Variants in ZNF395 observed in about 807,000 individuals in gnomAD.
ZNF395 encodes zinc finger protein 395, also known as HD gene regulatory region-binding protein 2.
A neutral mutation model predicts 57.7 loss-of-function variants in ZNF395; 20 were observed. The observed-to-expected ratio is 0.35, with a 90% CI of 0.24 to 0.50. ZNF395 has a LOEUF of 0.50. ZNF395 is among the 20% of genes least tolerant of loss of function. ZNF395 has a pLI of 0.97. For missense variants in ZNF395, 606 were observed against 671.2 expected, an observed-to-expected ratio of 0.90 and a Z score of 1.07; for synonymous variants, 295 against 275.9, an observed-to-expected ratio of 1.07 and a Z score of -0.69.
At position 28,356,180 on chromosome 8, in the gene ZNF395, G is replaced by A. The variant is rs977700035; in HGVS notation, c.583+490C>T. Among the ~76,000 whole-genome samples, 2 of 152,094 alleles carry A rather than the reference G, an allele frequency of 1.3e-5. No individual in the cohort carries two copies. The highest frequency in any genetic ancestry group is 4.8e-5 in the African/African-American group (2 of 41,386). Reference sequence around the variant, plus strand: ...AAGTTGAATCACTGGTTTTTATTAAGCAATTAGATTTACTTTAGAATTTAG... The same window carrying A: ...AAGTTGAATCACTGGTTTTTATTAAACAATTAGATTTACTTTAGAATTTAG... On this transcript the variant is annotated intron_variant, in intron 4 of 9. Transcript: ENST00000344423. This position sits in a 1 kb window ranked among gnomAD's most constrained non-coding sequence, Gnocchi z 4.0.
chr8:28,356,285 A>G lies in ZNF395; in HGVS notation c.583+385T>C, dbSNP rs186899026. On this transcript the variant is annotated intron_variant, in intron 4 of 9. Coordinates refer to ENST00000344423, the MANE Select transcript of ZNF395 (RefSeq NM_018660.3). This position sits in a 1 kb window ranked among gnomAD's most constrained non-coding sequence, Gnocchi z 4.0. Reference sequence around the variant, plus strand: ...TTAGGCACGTGGAATGAGGGCATGAATTTTCTGAGGCCACTAGGAGACCAT... The same window carrying G: ...TTAGGCACGTGGAATGAGGGCATGAGTTTTCTGAGGCCACTAGGAGACCAT... Among the ~76,000 whole-genome samples the G allele has an allele frequency of 2.3e-4, 35 of 152,290 alleles. No homozygotes were observed. Among genetic ancestry groups the G allele is most frequent in the Non-Finnish European group, 4.6e-4 (31 of 68,018 alleles).
rs35382607 is a variant in ZNF395 at position 28,350,085 on chromosome 8, G to C, written c.1305C>G (p.Ser435=). 6.2e-7 allele frequency: 1 copy of C among 1,605,380 alleles called. No individual in the cohort carries two copies. The highest frequency in any genetic ancestry group is 1.7e-5 in the Admixed American group (1 of 58,446). The part of the protein sequence containing the change: ...YTSVSWAAAP[S]AACSLSPVRS... ...TCACCGGAGAGAGAGAGCAGGCGGC[G>C]GAGGGGGCAGCAGCCCAGCTGACAC... Residue 435 remains serine, a synonymous_variant, in exon 8 of 10, where the codon TCC becomes TCG. Transcript: ENST00000344423.
intron 1 of ZNF395, among the ~76,000 whole-genome samples, chr8:28,382,562 G>GT (rs1043234407): frequency 1.3e-5 from 2 of 152,044 alleles, no homozygotes; most frequent in African/African-American, 4.8e-5. Flanking sequence ...GTCCCTAAAC[G>GT]TTTTTCCAAG....
intron 1 of ZNF395, among the ~76,000 whole-genome samples, chr8:28,381,310 G>C (rs1802107290): frequency 6.6e-6 from 1 of 152,030 alleles, no homozygotes; most frequent in South Asian, 2.1e-4. Context: ...CAAAGTGCTG[G>C]GATAACAGGC....
At chr8:28,358,674 C>T (rs775910883) in intron 3 of ZNF395, among the ~76,000 whole-genome samples, 1 of 152,130 alleles carries the variant, frequency 6.6e-6, no homozygotes, top group Non-Finnish European at 1.5e-5. Flanking sequence ...CAGCCTCAAG[C>T]AATCTTCCCA....
intron 1 of ZNF395, among the ~76,000 whole-genome samples, chr8:28,365,963 G>A (rs1801905298): frequency 6.6e-6 from 1 of 152,204 alleles, no homozygotes; most frequent in Non-Finnish European, 1.5e-5. Context: ...CCACACTTGT[G>A]TGCGTGCACA....
At position 28,350,182 on chromosome 8, in the gene ZNF395, G is replaced by A. The variant is rs374325433; in HGVS notation, c.1234-26C>T. On this transcript the variant is annotated intron_variant, in intron 7 of 9. Transcript: ENST00000344423. ...CTGCGGAAGACGAGGGTGTCAGCCCGGATTCTAGCTCAGGAAGTGTTCAGA... is the reference window on the plus strand; with the variant it reads ...CTGCGGAAGACGAGGGTGTCAGCCCAGATTCTAGCTCAGGAAGTGTTCAGA... The A allele has an allele frequency of 3.6e-5, 56 of 1,573,194 alleles. 1 individual carries two copies. The highest frequency in any genetic ancestry group is 3.5e-4 in the South Asian group (30 of 86,174).
intron 4 of ZNF395, among the ~76,000 whole-genome samples, chr8:28,353,619 T>C (rs557288341): frequency 6.6e-6 from 1 of 152,278 alleles, no homozygotes; most frequent in Admixed American, 6.5e-5. Flanking sequence ...TTGTATAGGA[T>C]TCATACAAAG....
rs1023968980 is a variant in ZNF395, at chr8:28,381,696, G to A, written c.-59+4697C>T. Among the ~76,000 whole-genome samples the A allele has an allele frequency of 6.6e-5, 10 of 151,990 alleles. 1 individual carries two copies. The highest frequency in any genetic ancestry group is 6.6e-4 in the Admixed American group (10 of 15,248). On this transcript the variant is annotated intron_variant, in intron 1 of 9. Transcript: ENST00000344423. ...CCATTTGGATCAATACCAGGCTCCT[G>A]AGAATTGTACGTCATATGGCACCTG...
intron 3 of ZNF395, among the ~76,000 whole-genome samples, chr8:28,357,630 A>G (rs1801796542): frequency 6.6e-6 from 1 of 152,244 alleles, no homozygotes; most frequent in Admixed American, 6.5e-5. Context: ...CAGCTAAACC[A>G]AGACTATTAA....
rs1801597098 is a variant in ZNF395, at chr8:28,346,131, C to G, written c.*2588G>C. 1 of 152,076 alleles carries G rather than the reference C, an allele frequency of 6.6e-6. No individual in the cohort carries two copies. The highest frequency in any genetic ancestry group is 2.1e-4 in the South Asian group (1 of 4,822). 9.4% of individuals were successfully genotyped at this position (152,076 alleles called of 1,614,324 possible). A position where few individuals can be genotyped will look rare whatever the true frequency, so the allele number is the denominator to read the frequency against. The stretch of plus-strand genomic sequence containing the variant: ...ACAGCCCCAGACTCTGAATATGATT[C>G]CAAGAAATATTCTGAAAAAAGTCAC... On this transcript the variant is annotated 3_prime_UTR_variant, in exon 10 of 10. Transcript: ENST00000344423.
intron 1 of ZNF395, among the ~76,000 whole-genome samples, chr8:28,385,577 C>G (rs1337363028): frequency 6.7e-6 from 1 of 150,176 alleles, no homozygotes; most frequent in Admixed American, 6.6e-5. Context: ...CCGCCCGTCC[C>G]GCAGCCTGGC....
At chr8:28,353,552 T>C in intron 4 of ZNF395, 144 bp from the exon 5 acceptor site, 1 of 628,032 alleles carries the variant, frequency 1.6e-6, no homozygotes, top group Non-Finnish European at 2.7e-6. Flanking sequence ...TCGCAGACAT[T>C]TCCTACCATA....
intron 4 of ZNF395, 113 bp from the exon 5 acceptor site, chr8:28,353,521 C>T: frequency 1.3e-6 from 1 of 778,448 alleles, no homozygotes; most frequent in Non-Finnish European, 2.0e-6. Context: ...AGCAATTTCT[C>T]TTGGTAGAAC....
chr8:28,362,921 G>A (rs559467451), intron 1 of ZNF395, among the ~76,000 whole-genome samples: 1 of 152,104 alleles, frequency 6.6e-6, no homozygotes, highest in Non-Finnish European at 1.5e-5. Flanking sequence ...TTTCCAGAAA[G>A]CAAATAAAAT....
intron 3 of ZNF395, among the ~76,000 whole-genome samples, chr8:28,357,421 A>C (rs1362945817): frequency 6.6e-6 from 1 of 152,238 alleles, no homozygotes; most frequent in Non-Finnish European, 1.5e-5. Context: ...GCAGAGTTCT[A>C]TAAAATGTTA....
chr8:28,384,638 T>C (rs1406964314), intron 1 of ZNF395, among the ~76,000 whole-genome samples: 2 of 152,218 alleles, frequency 1.3e-5, no homozygotes, highest in African/African-American at 2.4e-5. Flanking sequence ...TGCTCCACTT[T>C]GTAAATTATC....
chr8:28,349,713 TC>T (rs760726230), intron 8 of ZNF395, among the ~76,000 whole-genome samples: 3 of 152,026 alleles, frequency 2.0e-5, no homozygotes, highest in Admixed American at 6.5e-5. Context: ...CTCCACATTC[TC>T]CCCCTTCCTC....
At chr8:28,358,712 C>T (rs1260007118) in intron 3 of ZNF395, among the ~76,000 whole-genome samples, 2 of 152,214 alleles carry the variant, frequency 1.3e-5, no homozygotes, top group Non-Finnish European at 2.9e-5. Context: ...GTGTGAGCCA[C>T]TGCGCCTGGC....
Sources: gnomAD v4.1 joint callset for allele counts (sites outside exome capture counted in the v4.1 genomes callset) on GRCh38, gnomAD v4.1.1 for gene constraint, Gnocchi (gnomAD v3.1) non-coding constraint, MANE v1.5 for transcripts, NCBI Gene and HGNC (gene_info 2026-07-23, HGNC 2026-07-21) for gene names.